Variants in CHN2 observed in about 807,000 individuals in gnomAD.
CHN2 encodes the protein chimerin 2.
A neutral mutation model predicts 56.3 loss-of-function variants in CHN2; 35 were observed. The ratio of observed to expected loss-of-function variants is 0.62; its 90% confidence interval spans 0.47 to 0.82. CHN2 has a LOEUF of 0.82. Ranked by LOEUF, CHN2 falls within the 40% of genes least tolerant of loss-of-function variation. CHN2 has a pLI of 0.00. For missense variants in CHN2, 491 were observed against 580.5 expected (o/e 0.85, Z 1.58); for synonymous variants, 210 against 212.8 (o/e 0.99, Z 0.12).
At chr7:29,249,611 C>T (rs899182957) in intron 1 of CHN2, among the ~76,000 whole-genome samples, 4 of 152,218 alleles carry the variant, frequency 2.6e-5, no homozygotes, top group Admixed American at 6.5e-5. Context: ...GGTTGTCCTG[C>T]GGCCTTTCTG....
intron 1 of CHN2, among the ~76,000 whole-genome samples, chr7:29,344,909 G>C (rs542545728): frequency 6.6e-6 from 1 of 152,306 alleles, no homozygotes; most frequent in South Asian, 2.1e-4. Context: ...CTATGTTACA[G>C]TTGCCTTGTT....
chr7:29,384,138 T>C (rs1323277257), intron 3 of CHN2, among the ~76,000 whole-genome samples: 1 of 152,094 alleles, frequency 6.6e-6, no homozygotes, highest in Non-Finnish European at 1.5e-5. Context: ...CCATTAGGTG[T>C]GATGAGTGTG....
rs1242185462 is a variant in CHN2, at chr7:29,212,229, A to G, written c.49+17239A>G. On this transcript the variant is annotated intron_variant, in intron 1 of 12. Coordinates refer to ENST00000222792, the MANE Select transcript of CHN2 (RefSeq NM_004067.4). Reference sequence around the variant, plus strand: ...ATATTTCTCTAACATCTTCCAGAAAAGTCTTAAAGCTGCCTTAACCTTTTT... The same window carrying G: ...ATATTTCTCTAACATCTTCCAGAAAGGTCTTAAAGCTGCCTTAACCTTTTT... 7.1e-6 allele frequency: 5 copies of G among 703,276 alleles called. No individual in the cohort carries two copies. The African/African-American group carries it at 8.9e-5, about 13-fold the overall frequency. The allele number at this position is 703,276 out of a possible 1,614,324, so 43.6% of individuals were successfully genotyped here. A position where few individuals can be genotyped will look rare whatever the true frequency, so the allele number is the denominator to read the frequency against.
intron 2 of CHN2, among the ~76,000 whole-genome samples, chr7:29,167,014 G>T (rs891747289): frequency 1.3e-5 from 2 of 151,930 alleles, no homozygotes; most frequent in South Asian, 2.1e-4. Context: ...TACATATACT[G>T]TATATGTACA....
chr7:29,217,590 C>T (rs923148311), intron 1 of CHN2, among the ~76,000 whole-genome samples: 8 of 152,192 alleles, frequency 5.3e-5, no homozygotes, highest in Non-Finnish European at 1.0e-4. Context: ...AGAATCCTAA[C>T]AGCGCTTTTT....
chr7:29,460,765 A>G (rs1022427136), intron 6 of CHN2, among the ~76,000 whole-genome samples: 8 of 152,210 alleles, frequency 5.3e-5, no homozygotes, highest in African/African-American at 1.9e-4. Flanking sequence ...TGGAGGGAAC[A>G]GAGCCCTGTC....
chr7:29,365,559 G>A (rs938190035), intron 2 of CHN2, among the ~76,000 whole-genome samples: 1 of 152,202 alleles, frequency 6.6e-6, no homozygotes, highest in African/African-American at 2.4e-5. Flanking sequence ...CTAAGGACAT[G>A]ATGATAAGGG....
chr7:29,408,606 C>T (rs1486369290), intron 6 of CHN2, among the ~76,000 whole-genome samples: 1 of 152,166 alleles, frequency 6.6e-6, no homozygotes, highest in Non-Finnish European at 1.5e-5. Flanking sequence ...TTCCATGACT[C>T]CTTTCCCGAG....
At chr7:29,409,732 T>TA (rs1803017282) in intron 6 of CHN2, among the ~76,000 whole-genome samples, 1 of 152,228 alleles carries the variant, frequency 6.6e-6, no homozygotes, top group African/African-American at 2.4e-5. Context: ...AGAAGGCAAT[T>TA]ACTGTAATAA....
At chr7:29,437,718 T>C (rs529645117) in intron 6 of CHN2, among the ~76,000 whole-genome samples, 1 of 147,192 alleles carries the variant, frequency 6.8e-6, no homozygotes, top group South Asian at 2.1e-4. Flanking sequence ...AGCTCTTTGC[T>C]TAGGGAAAAA....
chr7:29,177,546 G>T (rs1381965682), intron 2 of CHN2, among the ~76,000 whole-genome samples: 1 of 150,254 alleles, frequency 6.7e-6, no homozygotes, highest in Non-Finnish European at 1.5e-5. Flanking sequence ...GACCCACCGT[G>T]CCTGGCCCCC....
At chr7:29,456,711 G>T (rs1015128392) in intron 6 of CHN2, among the ~76,000 whole-genome samples, 1 of 150,366 alleles carries the variant, frequency 6.7e-6, no homozygotes, top group African/African-American at 2.4e-5. Flanking sequence ...CGGCACTCCA[G>T]GTGATATTCT....
At chr7:29,330,059 A>G (rs1431786845) in intron 1 of CHN2, among the ~76,000 whole-genome samples, 4 of 152,152 alleles carry the variant, frequency 2.6e-5, no homozygotes, top group South Asian at 2.1e-4. Flanking sequence ...ATATTTCCCT[A>G]TTTCTCAAAG....
At chr7:29,270,702 T>C (rs1790565672) in intron 1 of CHN2, among the ~76,000 whole-genome samples, 1 of 151,714 alleles carries the variant, frequency 6.6e-6, no homozygotes, top group African/African-American at 2.4e-5. Context: ...TCTAAAAGTT[T>C]ATTGAGTCAT....
chr7:29,462,368 T>A (rs1785231170), intron 6 of CHN2, among the ~76,000 whole-genome samples: 1 of 152,204 alleles, frequency 6.6e-6, no homozygotes, highest in Non-Finnish European at 1.5e-5. Context: ...TACGGTTGCA[T>A]GTTCTGTTGG....
chr7:29,315,613 A>G (rs777291610), intron 1 of CHN2, among the ~76,000 whole-genome samples: 17 of 152,222 alleles, frequency 1.1e-4, no homozygotes, highest in Non-Finnish European at 1.8e-4. Flanking sequence ...AATAGATGAC[A>G]TAAAAAATGG....
chr7:29,414,630 T>C (rs1204364780), intron 6 of CHN2, among the ~76,000 whole-genome samples: 1 of 152,164 alleles, frequency 6.6e-6, no homozygotes, highest in African/African-American at 2.4e-5. Context: ...CAGTGTGGCA[T>C]GCAAGGCCTT....
intron 6 of CHN2, among the ~76,000 whole-genome samples, chr7:29,449,398 G>T (rs1784247463): frequency 6.6e-6 from 1 of 152,196 alleles, no homozygotes; most frequent in African/African-American, 2.4e-5. Context: ...AATCCGTCCT[G>T]CAGGCCCAGA....
chr7:29,407,494 C>G (rs574599013), intron 6 of CHN2, among the ~76,000 whole-genome samples: 6 of 152,226 alleles, frequency 3.9e-5, no homozygotes, highest in Admixed American at 3.3e-4. Context: ...TGGAAAAGAT[C>G]ACTTGCATTA....
Sources: gnomAD v4.1 joint callset for allele counts (sites outside exome capture counted in the v4.1 genomes callset) on GRCh38, gnomAD v4.1.1 for gene constraint, MANE v1.5 for transcripts, NCBI Gene and HGNC (gene_info 2026-07-23, HGNC 2026-07-21) for gene names.